Variants in MOSMO observed in about 807,000 individuals in gnomAD.
MOSMO encodes modulator of smoothened, also known as modulator of smoothened protein.
Under a neutral mutation model 18.4 loss-of-function variants are expected in MOSMO, and 5 were observed. That is an observed-to-expected ratio of 0.27 (90% CI 0.14 to 0.57). The LOEUF is 0.57. Ranked by LOEUF, MOSMO falls within the 20% of genes least tolerant of loss-of-function variation. The pLI is 0.92. For synonymous variants in MOSMO, 82 were observed against 82.3 expected (o/e 1.00, Z 0.02); for missense variants, 138 against 211.8 (o/e 0.65, Z 2.16).
chr16:22,091,046 A>C (rs1373853245), downstream of MOSMO, among the ~76,000 whole-genome samples: 1 of 152,122 alleles, frequency 6.6e-6, no homozygotes, highest in Non-Finnish European at 1.5e-5. Context: ...AAAAAAAAAA[A>C]AATGTTGTCA....
chr16:22,040,706 G>A (rs1900194265), intron 1 of MOSMO, among the ~76,000 whole-genome samples: 1 of 152,206 alleles, frequency 6.6e-6, no homozygotes, highest in African/African-American at 2.4e-5. Flanking sequence ...CTAAGCAGAT[G>A]GAGAAGAAGG....
At chr16:22,079,785 T>A (rs1337577287) in intron 2 of MOSMO, among the ~76,000 whole-genome samples, 1 of 152,108 alleles carries the variant, frequency 6.6e-6, no homozygotes, top group Non-Finnish European at 1.5e-5. Flanking sequence ...TTATTTTTAT[T>A]TATTTATTTT....
intron 1 of MOSMO, among the ~76,000 whole-genome samples, chr16:22,059,867 A>G (rs1356522313): frequency 6.6e-6 from 1 of 152,210 alleles, no homozygotes; most frequent in Non-Finnish European, 1.5e-5. Context: ...AAGTAGCCAC[A>G]GAAGGCAGGA....
intron 1 of MOSMO, among the ~76,000 whole-genome samples, chr16:22,065,390 T>A (rs1900729821): frequency 6.6e-6 from 1 of 152,216 alleles, no homozygotes; most frequent in Non-Finnish European, 1.5e-5. Context: ...CTTCCGGCAT[T>A]GGTATTACAA....
chr16:22,088,734 G>T (rs1412830520), downstream of MOSMO, among the ~76,000 whole-genome samples: 1 of 152,134 alleles, frequency 6.6e-6, no homozygotes, highest in African/African-American at 2.4e-5. Context: ...AGGATCAAAA[G>T]GCTGAACACC....
intron 1 of MOSMO, among the ~76,000 whole-genome samples, chr16:22,011,614 C>T (rs781113218): frequency 6.6e-6 from 1 of 152,034 alleles, no homozygotes; most frequent in Non-Finnish European, 1.5e-5. Context: ...ATCGTAGGCA[C>T]AAGGTCCAGA....
At chr16:22,043,196 G>A (rs1378764505) in intron 1 of MOSMO, among the ~76,000 whole-genome samples, 5 of 152,096 alleles carry the variant, frequency 3.3e-5, no homozygotes, top group Admixed American at 6.6e-5. Flanking sequence ...ACTGTCTTAG[G>A]CCATTAGGTT....
At chr16:22,078,794 T>C (rs991755131) in intron 2 of MOSMO, among the ~76,000 whole-genome samples, 3 of 152,156 alleles carry the variant, frequency 2.0e-5, no homozygotes, top group African/African-American at 7.2e-5. Flanking sequence ...CCATTAGAAA[T>C]TGGTGACAGA....
In MOSMO at chr16:22,083,723, T is replaced by G; in HGVS notation, c.*2843T>G. ...CTAAGAATATCACTGTAAAATCTGC[T>G]GAAAACTATTTTTAGGTTTTATTTG... is the stretch of plus-strand genomic sequence containing the variant. On this transcript the variant is annotated 3_prime_UTR_variant, in exon 3 of 3. Coordinates refer to ENST00000542527, the MANE Select transcript of MOSMO (RefSeq NM_001164579.2). The G allele has an allele frequency of 2.2e-6, 1 of 450,558 alleles. No individual in the cohort carries two copies. The highest frequency in any genetic ancestry group is 1.6e-5 in the South Asian group (1 of 62,714). 27.9% of individuals were successfully genotyped at this position (450,558 alleles called of 1,614,324 possible). A position where few individuals can be genotyped will look rare whatever the true frequency, so the allele number is the denominator to read the frequency against.
In MOSMO at chr16:22,082,768, G is replaced by A. The variant is rs1287933523; in HGVS notation, c.*1888G>A. ...TATTTTATTGTGAAAGAAAACCCCAGTGTTTGAGCTCACTCAGGAATTGGG... is the reference window on the plus strand; with the variant it reads ...TATTTTATTGTGAAAGAAAACCCCAATGTTTGAGCTCACTCAGGAATTGGG... On this transcript the variant is annotated 3_prime_UTR_variant, in exon 3 of 3. Transcript: ENST00000542527. 6.6e-6 allele frequency: 1 copy of A among 152,182 alleles called. No homozygotes were observed. The highest frequency in any genetic ancestry group is 6.5e-5 in the Admixed American group (1 of 15,278). 9.4% of individuals were successfully genotyped at this position (152,182 alleles called of 1,614,324 possible).
Position 22,082,493 on chromosome 16 carries a change from C to G in MOSMO, c.*1613C>G, listed in dbSNP as rs938717219. The G allele has an allele frequency of 1.3e-5, 2 of 151,894 alleles. No individual in the cohort carries two copies. The highest frequency in any genetic ancestry group is 1.3e-4 in the Admixed American group (2 of 15,256). 9.4% of individuals were successfully genotyped at this position (151,894 alleles called of 1,614,324 possible). A position where few individuals can be genotyped will look rare whatever the true frequency, so the allele number is the denominator to read the frequency against. ...TCTCCTCTTTATAGTGAACTGGTGACCCAAATGTCCCTGTCATTTATAGTG... is the reference window on the plus strand; with the variant it reads ...TCTCCTCTTTATAGTGAACTGGTGAGCCAAATGTCCCTGTCATTTATAGTG... On this transcript the variant is annotated 3_prime_UTR_variant, in exon 3 of 3. Transcript: ENST00000542527.
intron 1 of MOSMO, among the ~76,000 whole-genome samples, chr16:22,014,936 A>G (rs1899607314): frequency 6.6e-6 from 1 of 152,162 alleles, no homozygotes; most frequent in Non-Finnish European, 1.5e-5. Context: ...AAAGAGCTTT[A>G]TTGAGATGTA....
intron 1 of MOSMO, among the ~76,000 whole-genome samples, chr16:22,045,950 A>G (rs1308888647): frequency 9.2e-5 from 14 of 152,050 alleles, no homozygotes; most frequent in Non-Finnish European, 1.8e-4. Context: ...ATATGTATAC[A>G]TGTGCCATGG....
At chr16:22,014,414 A>G (rs1159224697) in intron 1 of MOSMO, among the ~76,000 whole-genome samples, 1 of 152,186 alleles carries the variant, frequency 6.6e-6, no homozygotes, top group African/African-American at 2.4e-5. Context: ...TCAGGTCTAA[A>G]GATTGGCAGG....
chr16:22,028,655 T>C (rs1598002096), intron 1 of MOSMO, among the ~76,000 whole-genome samples: 1 of 152,200 alleles, frequency 6.6e-6, no homozygotes, highest in East Asian at 1.9e-4. Flanking sequence ...CCTTTCACTA[T>C]ACTTAGCCTC....
chr16:22,050,609 G>A (rs375628877), intron 1 of MOSMO, among the ~76,000 whole-genome samples: 1 of 152,184 alleles, frequency 6.6e-6, no homozygotes, highest in East Asian at 1.9e-4. Flanking sequence ...TTAGTAGTGG[G>A]CCAGGTGTGG....
chr16:22,010,625 G>C (rs1376117977), intron 1 of MOSMO, among the ~76,000 whole-genome samples: 1 of 152,110 alleles, frequency 6.6e-6, no homozygotes, highest in Non-Finnish European at 1.5e-5. Flanking sequence ...TTCCTAAGAT[G>C]GAAAAGGGCA....
intron 1 of MOSMO, among the ~76,000 whole-genome samples, chr16:22,063,210 A>G (rs747498866): frequency 9.9e-5 from 15 of 152,228 alleles, no homozygotes; most frequent in Non-Finnish European, 1.8e-4. Context: ...CTGATATGCT[A>G]TCTACCTGTG....
intron 1 of MOSMO, among the ~76,000 whole-genome samples, chr16:22,019,984 C>T (rs531724932): frequency 4.6e-5 from 7 of 151,970 alleles, no homozygotes; most frequent in African/African-American, 1.2e-4. Context: ...GAGGCCGAGG[C>T]GGGCAGATCA....
Sources: allele counts gnomAD v4.1 joint callset (sites outside exome capture counted in the v4.1 genomes callset), GRCh38; gene constraint gnomAD v4.1.1; transcripts MANE v1.5; gene names NCBI Gene and HGNC (gene_info 2026-07-23, HGNC 2026-07-21).